NCKAP5: variants seen among roughly 807,000 people sequenced by gnomAD.
NCKAP5 encodes NCK associated protein 5.
A neutral mutation model predicts 167.0 loss-of-function variants in NCKAP5; 92 were observed. The observed-to-expected ratio is 0.55, with a 90% CI of 0.47 to 0.66. The LOEUF (loss-of-function observed/expected upper bound fraction) is 0.66. NCKAP5 is among the 30% of genes least tolerant of loss of function. NCKAP5 has a pLI of 0.00. For synonymous variants in NCKAP5, 891 were observed against 877.4 expected (o/e 1.02, Z -0.27); for missense variants, 2,378 against 2,315.0 (o/e 1.03, Z -0.56).
At chr2:133,561,876 A>T (rs1161332755) in intron 1 of NCKAP5, among the ~76,000 whole-genome samples, 2 of 152,220 alleles carry the variant, frequency 1.3e-5, no homozygotes, top group African/African-American at 4.8e-5. Context: ...AAAACTAAGT[A>T]AATATTAAAA....
chr2:132,717,836 A>G (rs992652763), intron 19 of NCKAP5, among the ~76,000 whole-genome samples: 1 of 152,106 alleles, frequency 6.6e-6, no homozygotes, highest in Non-Finnish European at 1.5e-5. Context: ...CGGCTGGGGG[A>G]CGCCAGTGCC....
chr2:133,343,387 C>T (rs1683728336), intron 3 of NCKAP5, among the ~76,000 whole-genome samples: 1 of 150,768 alleles, frequency 6.6e-6, no homozygotes. Context: ...AAATAGATTA[C>T]CTACAAAAAG....
intron 3 of NCKAP5, among the ~76,000 whole-genome samples, chr2:133,451,462 G>A (rs4430992): frequency 0.098 from 14,954 of 152,200 alleles, 1,387 homozygotes; most frequent in East Asian, 0.25. Flanking sequence ...GTCATTTTCT[G>A]CTGAAAAGTG....
chr2:132,767,818 CCCT>C (rs1441623364), intron 16 of NCKAP5, among the ~76,000 whole-genome samples: 1 of 152,192 alleles, frequency 6.6e-6, no homozygotes, highest in East Asian at 1.9e-4. Context: ...CAGGAGAGCC[CCCT>C]CCGGGGAAGA....
In NCKAP5 at chr2:132,743,824, CAGAT is replaced by C. The variant is rs150741337; in HGVS notation, c.5129-11777_5129-11774del. Among the ~76,000 whole-genome samples, 286 of 151,468 alleles carry C rather than the reference CAGAT, an allele frequency of 1.9e-3. 5 individuals carry two copies. In the East Asian group the frequency reaches 0.038, roughly 20 times the overall value. ...AAACATTCATTTTAAATATAAAAAA[CAGAT>C]AGGTGAAAAGTGGGACAGAAAAATA... On this transcript the variant is annotated intron_variant, in intron 16 of 19. Coordinates refer to ENST00000409261, the MANE Select transcript of NCKAP5 (RefSeq NM_207363.3).
At chr2:133,072,242 C>T (rs1573944227) in intron 6 of NCKAP5, among the ~76,000 whole-genome samples, 1 of 152,166 alleles carries the variant, frequency 6.6e-6, no homozygotes, top group East Asian at 1.9e-4. Context: ...TGCACCATCA[C>T]ACCCAGCTAA....
At chr2:133,115,496 T>C (rs1439142583) in intron 6 of NCKAP5, among the ~76,000 whole-genome samples, 1 of 152,084 alleles carries the variant, frequency 6.6e-6, no homozygotes, top group Non-Finnish European at 1.5e-5. Flanking sequence ...GCTTTCAATC[T>C]GGGGGAATTT....
At chr2:133,238,009 G>T (rs2087501256) in intron 4 of NCKAP5, among the ~76,000 whole-genome samples, 1 of 152,120 alleles carries the variant, frequency 6.6e-6, no homozygotes, top group Non-Finnish European at 1.5e-5. Flanking sequence ...GGGAAGGAAA[G>T]CTCCACCACT....
At position 132,798,013 on chromosome 2, in the gene NCKAP5, CCTT is replaced by C. The variant is rs199565696; in HGVS notation, c.808-1287_808-1285del. Among the ~76,000 whole-genome samples the C allele has an allele frequency of 7.6e-3, 1,150 of 152,206 alleles. 14 individuals are homozygous for C. Among genetic ancestry groups the C allele is most frequent in the African/African-American group, 0.026 (1,099 of 41,522 alleles). On this transcript the variant is annotated intron_variant, in intron 11 of 19. Coordinates refer to ENST00000409261, the MANE Select transcript of NCKAP5 (RefSeq NM_207363.3). ...TTGCTGTTGTGGGTTGGCCAGTTCT[CCTT>C]CTCAGTGGACCTTCAAATTGTGTGT...
chr2:132,733,317 T>C (rs1435486376), intron 16 of NCKAP5, among the ~76,000 whole-genome samples: 2 of 152,162 alleles, frequency 1.3e-5, no homozygotes, highest in African/African-American at 2.4e-5. Context: ...AACTTAGCAC[T>C]GTGTTAGGCA....
At chr2:133,601,537 CT>C in the NCKAP5 span, among the ~76,000 whole-genome samples, 1 of 152,088 alleles carries the variant, frequency 6.6e-6, no homozygotes, top group African/African-American at 2.4e-5. Context: ...TAAGACCAGC[CT>C]GGCCAACATG....
rs780288954 is a variant in NCKAP5, at chr2:132,785,114, T to C, written c.1697A>G (p.Gln566Arg). ...AGCCATGCGGCCATGGCCTTGGCCC[T>C]GTGGGCCCCTCTCCCTCTGTACCTG... ...TPQVQRERGPQGQGHGRMALN... is the reference protein window; with the variant it reads ...TPQVQRERGPRGQGHGRMALN... Residue 566 changes from glutamine to arginine, a missense_variant, in exon 14 of 20, where the codon CAG becomes CGG. Gln to Arg is a conservative substitution (Grantham distance 43, BLOSUM62 1). Around this residue, in one of 3 missense-constraint regions of NCKAP5, gnomAD observed 1,049 missense variants for 1,023.4 expected, o/e 1.02. Transcript: ENST00000409261. 6.2e-7 allele frequency: 1 copy of C among 1,613,832 alleles called. No individual in the cohort carries two copies.
the NCKAP5 span, among the ~76,000 whole-genome samples, chr2:133,602,560 G>C: frequency 6.6e-6 from 1 of 152,214 alleles, no homozygotes; most frequent in Admixed American, 6.5e-5. Context: ...GTTCTCAGAA[G>C]AGGCTAAAGT....
At chr2:133,138,226 G>A (rs568306709) in intron 5 of NCKAP5, among the ~76,000 whole-genome samples, 70 of 152,304 alleles carry the variant, frequency 4.6e-4, no homozygotes, top group African/African-American at 1.6e-3. Flanking sequence ...ATTATTCGAA[G>A]AGAAACCTCA....
chr2:132,693,477 C>CTG (rs1486502110), intron 19 of NCKAP5, among the ~76,000 whole-genome samples: 1 of 151,990 alleles, frequency 6.6e-6, no homozygotes, highest in African/African-American at 2.4e-5. Context: ...AAGATGAGAG[C>CTG]TGTGCGGCTG....
chr2:133,061,134 C>G (rs751178809), intron 6 of NCKAP5, among the ~76,000 whole-genome samples: 14 of 151,790 alleles, frequency 9.2e-5, no homozygotes, highest in Non-Finnish European at 1.9e-4. Context: ...CATTACTAGA[C>G]TGTAGAGAAA....
At chr2:133,562,586 G>T (rs566617325) in intron 1 of NCKAP5, among the ~76,000 whole-genome samples, 11 of 152,088 alleles carry the variant, frequency 7.2e-5, no homozygotes, top group Non-Finnish European at 1.6e-4. Context: ...TTTCAACACC[G>T]TAATATTTAT....
chr2:132,918,494 T>C (rs1431670557), intron 8 of NCKAP5, among the ~76,000 whole-genome samples: 1 of 152,172 alleles, frequency 6.6e-6, no homozygotes, highest in Non-Finnish European at 1.5e-5. Context: ...TTTTTTTTTA[T>C]AGCCAGTAGT....
intron 6 of NCKAP5, among the ~76,000 whole-genome samples, chr2:133,067,684 T>C (rs981317746): frequency 1.3e-5 from 2 of 152,200 alleles, no homozygotes; most frequent in Admixed American, 6.5e-5. Flanking sequence ...CAGCATAGCA[T>C]GATCAGGGTT....
Sources: allele counts gnomAD v4.1 joint callset (sites outside exome capture counted in the v4.1 genomes callset), GRCh38; gene constraint gnomAD v4.1.1; regional missense constraint gnomAD v4.1.1; transcripts MANE v1.5; gene names NCBI Gene and HGNC (gene_info 2026-07-23, HGNC 2026-07-21).